Variants in ANKRD30BL observed in about 807,000 individuals in gnomAD.
ANKRD30BL encodes the protein ankyrin repeat domain 30B like.
In ANKRD30BL, 20 loss-of-function variants were observed where a neutral mutation model predicts 18.4. The observed-to-expected ratio is 1.09, with a 90% CI of 0.77 to 1.58. The LOEUF (loss-of-function observed/expected upper bound fraction) is 1.58, where lower values mean the gene tolerates loss of function less well. Among genes scored for constraint, ANKRD30BL ranks in the 40% most tolerant of loss-of-function variants. The pLI, the probability that ANKRD30BL is intolerant of heterozygous loss-of-function variation, is 0.00. For missense variants in ANKRD30BL, 224 were observed against 268.6 expected (o/e 0.83, Z 1.16); for synonymous variants, 72 against 100.9 (o/e 0.71, Z 1.72).
intron 1 of ANKRD30BL, among the ~76,000 whole-genome samples, chr2:132,229,030 C>G (rs111286201): frequency 6.6e-6 from 1 of 151,930 alleles, no homozygotes; most frequent in African/African-American, 2.4e-5. Flanking sequence ...TTTGATAGAG[C>G]AGTTTTAAAG....
chr2:132,214,393 A>C (rs964659478), intron 1 of ANKRD30BL, among the ~76,000 whole-genome samples: 2 of 152,058 alleles, frequency 1.3e-5, no homozygotes, highest in Admixed American at 1.3e-4. Context: ...TTCGTCTCAC[A>C]GAGTTGAACC....
At position 132,224,272 on chromosome 2, in the gene ANKRD30BL, A is replaced by T. The variant is rs1679781014; in HGVS notation, n.441+33257T>A. ...AGAATCTGCAAGTGGACATTTGGAG[A>T]TCTTTGAGGCCTATTGTGGAAAAGG... is the stretch of plus-strand genomic sequence containing the variant. On this transcript the variant is annotated intron_variant and non_coding_transcript_variant, in intron 1 of 4. Transcript: ENST00000470729. Among the ~76,000 whole-genome samples the T allele has an allele frequency of 7.3e-5, 11 of 151,722 alleles. No homozygotes were observed. The South Asian group carries it at 2.3e-3, about 32-fold the overall frequency.
upstream of ANKRD30BL, among the ~76,000 whole-genome samples, chr2:132,166,113 A>G (rs1333854427): frequency 6.6e-6 from 1 of 152,174 alleles, no homozygotes; most frequent in Non-Finnish European, 1.5e-5. Flanking sequence ...TGATTTAGGA[A>G]ATTCTGCAGA....
chr2:132,245,916 A>G (rs1184077947), intron 1 of ANKRD30BL, among the ~76,000 whole-genome samples: 2 of 151,720 alleles, frequency 1.3e-5, no homozygotes, highest in Non-Finnish European at 2.9e-5. Context: ...GAAATTGGAC[A>G]TTTGGAGCAC....
chr2:132,217,176 A>G (rs1426310093), intron 1 of ANKRD30BL, among the ~76,000 whole-genome samples: 3 of 152,132 alleles, frequency 2.0e-5, no homozygotes, highest in Non-Finnish European at 2.9e-5. Flanking sequence ...ACACTTTATC[A>G]TAGAGCAGTT....
chr2:132,175,781 A>C (rs981245866), intron 1 of ANKRD30BL, among the ~76,000 whole-genome samples: 7 of 152,224 alleles, frequency 4.6e-5, no homozygotes, highest in African/African-American at 1.7e-4. Flanking sequence ...TTTACCAAGC[A>C]TACTACTTGT....
intron 1 of ANKRD30BL, among the ~76,000 whole-genome samples, chr2:132,175,985 T>C (rs1238537453): frequency 2.0e-5 from 3 of 152,254 alleles, no homozygotes; most frequent in Admixed American, 2.0e-4. Context: ...GAATTTCTTA[T>C]GTCTTTCCTT....
intron 1 of ANKRD30BL, among the ~76,000 whole-genome samples, chr2:132,212,789 T>C (rs1289300025): frequency 6.6e-6 from 1 of 151,738 alleles, no homozygotes; most frequent in Non-Finnish European, 1.5e-5. Context: ...TTGTAGCCTA[T>C]GGTGGAAAAG....
chr2:132,236,976 G>A (rs1427415406), intron 1 of ANKRD30BL, among the ~76,000 whole-genome samples: 2 of 151,576 alleles, frequency 1.3e-5, no homozygotes, highest in African/African-American at 4.8e-5. Context: ...TCCTTTGTAG[G>A]GACATGGATG....
Position 132,246,627 on chromosome 2 carries a change from C to A in ANKRD30BL, n.441+10902G>T, listed in dbSNP as rs867666596. 1.1e-4 allele frequency among the ~76,000 whole-genome samples: 16 copies of A among 151,168 alleles called. No homozygotes were observed. The East Asian group carries it at 1.9e-3, about 18-fold the overall frequency. On this transcript the variant is annotated intron_variant and non_coding_transcript_variant, in intron 1 of 4. Coordinates refer to the ANKRD30BL transcript ENST00000470729. The stretch of plus-strand genomic sequence containing the variant: ...ACAGCTTTGAGGCCTTCACTGGAAA[C>A]GGGTATATCTTCACATAAAAACTAG...
chr2:132,170,270 G>A lies in ANKRD30BL; in HGVS notation n.442-13124C>T, dbSNP rs1330925795. On this transcript the variant is annotated intron_variant and non_coding_transcript_variant, in intron 1 of 4. Coordinates refer to the ANKRD30BL transcript ENST00000470729. ...TTGTCACACAGCCTTGAAATATTAG[G>A]CTCACCGACGCTTTGAAGGGTGAGA... 2.6e-5 allele frequency among the ~76,000 whole-genome samples: 4 copies of A among 152,092 alleles called. No homozygotes were observed. In the East Asian group the frequency reaches 7.7e-4, roughly 29 times the overall value.
At chr2:132,240,310 A>G (rs553002435) in intron 1 of ANKRD30BL, among the ~76,000 whole-genome samples, 16 of 151,752 alleles carry the variant, frequency 1.1e-4, no homozygotes, top group African/African-American at 3.6e-4. Context: ...TTCGTTGAAA[A>G]GGGGAATATC....
intron 1 of ANKRD30BL, among the ~76,000 whole-genome samples, chr2:132,242,382 T>C (rs74938475): frequency 2.6e-5 from 4 of 151,632 alleles, no homozygotes; most frequent in African/African-American, 7.2e-5. Context: ...AAATAAAATC[T>C]AGACAGAAGC....
Position 132,192,347 on chromosome 2 carries a change from G to C in ANKRD30BL, n.442-35201C>G, listed in dbSNP as rs549599592. Among the ~76,000 whole-genome samples the C allele has an allele frequency of 3.2e-3, 484 of 152,270 alleles. 3 individuals are homozygous for C. The highest frequency in any genetic ancestry group is 0.011 in the African/African-American group (450 of 41,556). On this transcript the variant is annotated intron_variant and non_coding_transcript_variant, in intron 1 of 4. Transcript: ENST00000470729. ...GACCTGTATTCTTGCAGGTGTCAAT[G>C]GTGGTCGCAGTGTGGCACACATGGC...
At chr2:132,149,349 A>C (rs1687696299) in intron 5 of ANKRD30BL, among the ~76,000 whole-genome samples, 1 of 152,232 alleles carries the variant, frequency 6.6e-6, no homozygotes, top group African/African-American at 2.4e-5. Context: ...CTAATTATTC[A>C]GCAGATAGAA....
chr2:132,209,651 T>A (rs950776328), intron 1 of ANKRD30BL, among the ~76,000 whole-genome samples: 1 of 151,556 alleles, frequency 6.6e-6, no homozygotes, highest in African/African-American at 2.4e-5. Context: ...GATATTTGGA[T>A]CAGTTTGGGG....
At chr2:132,252,640 C>T (rs868466186) in intron 1 of ANKRD30BL, among the ~76,000 whole-genome samples, 114 of 152,254 alleles carry the variant, frequency 7.5e-4, no homozygotes, top group African/African-American at 2.6e-3. Flanking sequence ...GGGCCGCCTC[C>T]AGGGGTGGAC....
At chr2:132,227,034 T>C (rs62166095) in intron 1 of ANKRD30BL, among the ~76,000 whole-genome samples, 1 of 152,026 alleles carries the variant, frequency 6.6e-6, no homozygotes, top group Admixed American at 6.6e-5. Context: ...AAAGGAAATA[T>C]CTTCATATAA....
At chr2:132,161,396 G>T in intron 1 of ANKRD30BL, 92 bp downstream of exon 1, 1 of 1,239,540 alleles carries the variant, frequency 8.1e-7, no homozygotes, top group Non-Finnish European at 1.1e-6. Context: ...TGCTCCCCTC[G>T]TCCCCAGGAC....
Sources: allele counts gnomAD v4.1 joint callset (sites outside exome capture counted in the v4.1 genomes callset), GRCh38; gene constraint gnomAD v4.1.1; transcripts MANE v1.5; gene names NCBI Gene and HGNC (gene_info 2026-07-23, HGNC 2026-07-21).